The following PIK3R1 variants were observed in gnomAD, a reference collection of about 807,000 sequenced individuals.
PIK3R1 encodes the protein phosphatidylinositol 3-kinase regulatory subunit alpha.
A neutral mutation model predicts 98.0 loss-of-function variants in PIK3R1; 29 were observed. That is an observed-to-expected ratio of 0.30 (90% CI 0.22 to 0.40). PIK3R1 has a LOEUF of 0.40. PIK3R1 is among the 10% of genes least tolerant of loss of function. PIK3R1 has a pLI of 1.00. For missense variants in PIK3R1, 596 were observed against 872.7 expected (o/e 0.68, Z 3.99); for synonymous variants, 282 against 311.8 (o/e 0.90, Z 1.01).
chr5:68,259,728 C>T (rs1745662414), intron 2 of PIK3R1, among the ~76,000 whole-genome samples: 1 of 152,178 alleles, frequency 6.6e-6, no homozygotes, highest in South Asian at 2.1e-4. Context: ...TGTTGCCTGG[C>T]TCTTGGCAGT....
At chr5:68,251,621 A>C (rs1745310550) in intron 2 of PIK3R1, among the ~76,000 whole-genome samples, 1 of 152,094 alleles carries the variant, frequency 6.6e-6, no homozygotes, top group African/African-American at 2.4e-5. Flanking sequence ...TGGATGAATC[A>C]GCCACTGATT....
At position 68,251,117 on chromosome 5, in the gene PIK3R1, C is replaced by A. The variant is rs561698034; in HGVS notation, c.335-22273C>A. ...CACAATGGGTTACTGCCACCGCTTT[C>A]TGATAAGGATCCTACTTCAACTATC... is the stretch of plus-strand genomic sequence containing the variant. On this transcript the variant is annotated intron_variant, in intron 2 of 15. Coordinates refer to ENST00000521381, the MANE Select transcript of PIK3R1 (RefSeq NM_181523.3). 4.6e-4 allele frequency among the ~76,000 whole-genome samples: 70 copies of A among 152,274 alleles called. 2 individuals are homozygous for A. Among genetic ancestry groups the A allele is most frequent in the African/African-American group, 1.7e-3 (69 of 41,554 alleles).
intron 7 of PIK3R1, chr5:68,291,434 A>G (rs1162998011): frequency 6.6e-6 from 1 of 152,216 alleles, no homozygotes; most frequent in Non-Finnish European, 1.5e-5. Flanking sequence ...TTTAAAACTT[A>G]TGACAGAATT....
At chr5:68,234,436 C>T (rs973926185) in intron 2 of PIK3R1, among the ~76,000 whole-genome samples, 20 of 152,150 alleles carry the variant, frequency 1.3e-4, no homozygotes, top group Non-Finnish European at 2.9e-4. Flanking sequence ...CCTCATTGCA[C>T]GATCTGATTG....
At chr5:68,259,465 A>G (rs1745653282) in intron 2 of PIK3R1, among the ~76,000 whole-genome samples, 1 of 152,220 alleles carries the variant, frequency 6.6e-6, no homozygotes, top group Non-Finnish European at 1.5e-5. Context: ...ATCAGCTGCT[A>G]GAAGGCATGA....
intron 12 of PIK3R1, 47 bp downstream of exon 12, chr5:68,294,725 A>C (rs1169158299): frequency 3.4e-6 from 5 of 1,487,490 alleles, no homozygotes; most frequent in Non-Finnish European, 4.5e-6. Flanking sequence ...AAAATCCTCT[A>C]AAACCATTTA....
intron 12 of PIK3R1, 67 bp from the exon 13 acceptor site, chr5:68,295,081 T>A: frequency 7.5e-7 from 1 of 1,340,948 alleles, no homozygotes; most frequent in African/African-American, 1.5e-5. Flanking sequence ...AGTGAAACTT[T>A]TCATAAACTT....
rs542130298 is a variant in PIK3R1, at chr5:68,264,355, T to A, written c.335-9035T>A. ...AACCTCACATATGGCATCATGCAGT[T>A]TGTCTGCCTAAAAAGGCAACCTAGA... On this transcript the variant is annotated intron_variant, in intron 2 of 15. Transcript: ENST00000521381. Among the ~76,000 whole-genome samples, 3 of 152,326 alleles carry A rather than the reference T, an allele frequency of 2.0e-5. No individual in the cohort carries two copies. The South Asian group carries it at 6.2e-4, about 32-fold the overall frequency.
chr5:68,273,152 A>G (rs2112163229), intron 2 of PIK3R1, among the ~76,000 whole-genome samples: 1 of 152,120 alleles, frequency 6.6e-6, no homozygotes, highest in East Asian at 1.9e-4. Flanking sequence ...GGGAGGGTGG[A>G]CCTGGGGGAA....
At chr5:68,241,069 G>T (rs1744854857) in intron 2 of PIK3R1, among the ~76,000 whole-genome samples, 2 of 152,140 alleles carry the variant, frequency 1.3e-5, no homozygotes, top group Admixed American at 1.3e-4. Flanking sequence ...AGCAATTGTA[G>T]TTAGTAATCT....
At chr5:68,269,881 A>AT (rs914838006) in intron 2 of PIK3R1, among the ~76,000 whole-genome samples, 1 of 90,284 alleles carries the variant, frequency 1.1e-5, no homozygotes, top group Non-Finnish European at 2.5e-5. Flanking sequence ...TTGAATTGCT[A>AT]TTTAAAAAAA....
chr5:68,291,670 GAGATTTAGGGCAC>G (rs1362862972), intron 7 of PIK3R1: 1 of 152,378 alleles, frequency 6.6e-6, no homozygotes, highest in Non-Finnish European at 1.5e-5. Flanking sequence ...ACATATTAAA[GAGATTTAGGGCAC>G]AGATGAGAGT....
chr5:68,264,024 A>C (rs1206712247), intron 2 of PIK3R1, among the ~76,000 whole-genome samples: 1 of 152,228 alleles, frequency 6.6e-6, no homozygotes, highest in East Asian at 1.9e-4. Flanking sequence ...GATTAACTAG[A>C]AGAGTCTTTT....
intron 2 of PIK3R1, among the ~76,000 whole-genome samples, chr5:68,255,647 C>G (rs1362509271): frequency 6.6e-6 from 1 of 152,186 alleles, no homozygotes; most frequent in Non-Finnish European, 1.5e-5. Context: ...ATTGTCTCCA[C>G]TGTTTTTTCT....
At chr5:68,279,493 T>C (rs1580242974) in intron 4 of PIK3R1, 109 bp from the exon 5 acceptor site, 1 of 801,012 alleles carries the variant, frequency 1.2e-6, no homozygotes, top group Non-Finnish European at 1.9e-6. Flanking sequence ...TATTGCTTCC[T>C]TATTTTTTTT....
At chr5:68,226,065 G>A (rs879659872) in intron 1 of PIK3R1, among the ~76,000 whole-genome samples, 3 of 151,950 alleles carry the variant, frequency 2.0e-5, no homozygotes, top group South Asian at 2.1e-4. Context: ...TCACATTATC[G>A]CTAAGACATT....
intron 8 of PIK3R1, chr5:68,292,757 G>C: frequency 1.6e-6 from 2 of 1,270,982 alleles, no homozygotes; most frequent in Non-Finnish European, 2.0e-6. Context: ...GAGATCATGA[G>C]TTTCTGTGCT....
chr5:68,276,808 T>G (rs1005014757), intron 4 of PIK3R1, among the ~76,000 whole-genome samples: 3 of 152,220 alleles, frequency 2.0e-5, no homozygotes, highest in Non-Finnish European at 4.4e-5. Flanking sequence ...GAAAAGGGCT[T>G]TGATGAATTA....
At chr5:68,216,714 G>C (rs1279368343) in intron 1 of PIK3R1, among the ~76,000 whole-genome samples, 1 of 121,236 alleles carries the variant, frequency 8.2e-6, no homozygotes, top group Non-Finnish European at 1.7e-5. Context: ...GCTGGGGAGA[G>C]CCAGGGAGCC....
Sources: gnomAD v4.1 joint callset for allele counts (sites outside exome capture counted in the v4.1 genomes callset) on GRCh38, gnomAD v4.1.1 for gene constraint, MANE v1.5 for transcripts, NCBI Gene and HGNC (gene_info 2026-07-23, HGNC 2026-07-21) for gene names.